LYST: variants seen among roughly 807,000 people sequenced by gnomAD.
LYST encodes the protein lysosomal-trafficking regulator.
In LYST, 192 loss-of-function variants were observed where a neutral mutation model predicts 413.6. The observed-to-expected ratio is 0.46, with a 90% CI of 0.41 to 0.52. The LOEUF is 0.52. LYST is among the 20% of genes least tolerant of loss of function. LYST has a pLI of 0.00. For missense variants in LYST, 3,815 were observed against 4,499.9 expected (o/e 0.85, Z 4.35); for synonymous variants, 1,525 against 1,567.3 (o/e 0.97, Z 0.64).
Position 235,677,474 on chromosome 1 carries a change from C to T in LYST, c.10940+6G>A, listed in dbSNP as rs770034004. ...CTATGTTTGATTTGGAGACCTTCTT[C>T]TGTACCTGTTTAAATCCCATATGAT... On this transcript the variant is annotated splice_donor_region_variant and intron_variant, in intron 49 of 52. Coordinates refer to ENST00000389793, the MANE Select transcript of LYST (RefSeq NM_000081.4). 6 of 1,613,432 alleles carry T rather than the reference C, an allele frequency of 3.7e-6. No homozygotes were observed. In the African/African-American group the frequency reaches 8.0e-5, roughly 22 times the overall value.
chr1:235,856,093 C>A (rs7536783), intron 1 of LYST, among the ~76,000 whole-genome samples: 67,038 of 151,908 alleles, frequency 0.44, 15,955 homozygotes, highest in African/African-American at 0.6. Flanking sequence ...TCAAATTCCA[C>A]CCACATAATT....
At chr1:235,807,109 C>A (rs1014547420) in intron 5 of LYST, among the ~76,000 whole-genome samples, 1 of 152,194 alleles carries the variant, frequency 6.6e-6, no homozygotes, top group Non-Finnish European at 1.5e-5. Flanking sequence ...ACACCACAGC[C>A]ACCACCACAC....
At chr1:235,697,753 G>C (rs1661220974) in intron 45 of LYST, among the ~76,000 whole-genome samples, 1 of 152,118 alleles carries the variant, frequency 6.6e-6, no homozygotes, top group Non-Finnish European at 1.5e-5. Flanking sequence ...GAACATAGCA[G>C]GTTCTCATCT....
intron 10 of LYST, among the ~76,000 whole-genome samples, chr1:235,795,947 A>G (rs758743616): frequency 5.6e-4 from 85 of 152,200 alleles, no homozygotes; most frequent in Non-Finnish European, 7.1e-4. Flanking sequence ...CCTTATATGA[A>G]AAAGAAATAA....
intron 48 of LYST, 109 bp from the exon 49 acceptor site, chr1:235,677,728 A>G: frequency 2.5e-6 from 2 of 809,140 alleles, no homozygotes; most frequent in East Asian, 5.0e-5. Flanking sequence ...TCTCAAACAT[A>G]TCATTCTTCA....
chr1:235,715,427 G>T, intron 41 of LYST, 70 bp from the exon 42 acceptor site: 1 of 1,452,432 alleles, frequency 6.9e-7, no homozygotes, highest in Non-Finnish European at 9.6e-7. Context: ...AGTGCTGGAT[G>T]TTTTTTTTTC....
At chr1:235,847,140 G>A (rs1677974990) in intron 1 of LYST, among the ~76,000 whole-genome samples, 1 of 152,112 alleles carries the variant, frequency 6.6e-6, no homozygotes, top group Non-Finnish European at 1.5e-5. Flanking sequence ...GTACCAGGTA[G>A]CCTATAAAAG....
intron 1 of LYST, among the ~76,000 whole-genome samples, chr1:235,837,624 CAAAAAAAAAAA>C (rs34107122): frequency 9.1e-5 from 11 of 121,460 alleles, no homozygotes; most frequent in Non-Finnish European, 1.6e-4. Flanking sequence ...GACCCTGTTT[CAAAAAAAAAAA>C]AAAAAGAATT....
chr1:235,668,215 T>C (rs1240960121), intron 50 of LYST, among the ~76,000 whole-genome samples: 3 of 152,028 alleles, frequency 2.0e-5, no homozygotes, highest in Admixed American at 6.6e-5. Context: ...TATATATATA[T>C]ATTTTAATTT....
intron 32 of LYST, 131 bp downstream of exon 32, chr1:235,734,352 T>C: frequency 1.3e-6 from 1 of 791,046 alleles, no homozygotes; most frequent in African/African-American, 1.7e-5. Context: ...ATATAGTATA[T>C]AGGAAAAATA....
At chr1:235,879,740 CTTTT>C (rs66680369) in intron 1 of LYST, among the ~76,000 whole-genome samples, 1 of 146,280 alleles carries the variant, frequency 6.8e-6, no homozygotes. Context: ...TTCTTTCTTT[CTTTT>C]TTTTTTTTTT....
chr1:235,708,400 T>C (rs760297715), intron 44 of LYST, among the ~76,000 whole-genome samples: 1 of 152,188 alleles, frequency 6.6e-6, no homozygotes. Flanking sequence ...CATAGCAAGA[T>C]TGACTGCTAT....
At chr1:235,800,526 T>C (rs1307161660) in intron 9 of LYST, 140 bp from the exon 10 acceptor site, 5 of 621,506 alleles carry the variant, frequency 8.0e-6, no homozygotes, top group Non-Finnish European at 1.4e-5. Flanking sequence ...AAGACTACTA[T>C]GTGTAGGATT....
At position 235,686,074 on chromosome 1, in the gene LYST, A is replaced by G. The variant is rs1660198409; in HGVS notation, c.10800+875T>C. Reference sequence around the variant, plus strand: ...CTGCACCACAGGCAGTTGATTCAAGAAACAAAAACAGGCCGGGCGTGATGG... The same window carrying G: ...CTGCACCACAGGCAGTTGATTCAAGGAACAAAAACAGGCCGGGCGTGATGG... On this transcript the variant is annotated intron_variant, in intron 48 of 52. Coordinates refer to ENST00000389793, the MANE Select transcript of LYST (RefSeq NM_000081.4). The surrounding 1 kb of genome is among the most constrained non-coding windows in gnomAD (Gnocchi z 4.0). 6.6e-6 allele frequency among the ~76,000 whole-genome samples: 1 copy of G among 152,126 alleles called. No homozygotes were observed. Among genetic ancestry groups the G allele is most frequent in the African/African-American group, 2.4e-5 (1 of 41,436 alleles).
chr1:235,813,171 T>C, intron 3 of LYST, 110 bp from the exon 4 acceptor site: 1 of 713,282 alleles, frequency 1.4e-6, no homozygotes, highest in Non-Finnish European at 2.6e-6. Context: ...AAAGTCTGCA[T>C]TTGAAAAGCT....
chr1:235,734,406 T>C, intron 32 of LYST, 77 bp downstream of exon 32: 1 of 1,128,616 alleles, frequency 8.9e-7, no homozygotes. Flanking sequence ...GATAGCCTGT[T>C]CTTAAAAAAG....
At chr1:235,677,276 C>A (rs989372480) in intron 49 of LYST, 88 bp from the exon 50 acceptor site, 81 of 1,157,314 alleles carry the variant, frequency 7.0e-5, no homozygotes, top group Non-Finnish European at 9.9e-5. Flanking sequence ...AGTCTATGTA[C>A]CTATTGTACA....
At chr1:235,666,488 ATG>A (rs1219709100) in intron 50 of LYST, among the ~76,000 whole-genome samples, 3 of 152,028 alleles carry the variant, frequency 2.0e-5, no homozygotes, top group African/African-American at 7.2e-5. Flanking sequence ...AATAGTGGTG[ATG>A]GCTGCACAAC....
intron 1 of LYST, among the ~76,000 whole-genome samples, chr1:235,836,008 C>T (rs1676533858): frequency 6.6e-6 from 1 of 152,118 alleles, no homozygotes; most frequent in Non-Finnish European, 1.5e-5. Flanking sequence ...TTTTTATATC[C>T]TTAGCATTTA....
Sources: gnomAD v4.1 joint callset for allele counts (sites outside exome capture counted in the v4.1 genomes callset) on GRCh38, gnomAD v4.1.1 for gene constraint, Gnocchi (gnomAD v3.1) non-coding constraint, MANE v1.5 for transcripts, NCBI Gene and HGNC (gene_info 2026-07-23, HGNC 2026-07-21) for gene names.